The following RUNX1 variants were observed in gnomAD, a reference collection of about 807,000 sequenced individuals.
The protein encoded by RUNX1 is RUNX family transcription factor 1, also known as runt-related transcription factor 1.
Under a neutral mutation model 42.8 loss-of-function variants are expected in RUNX1, and 19 were observed. That is an observed-to-expected ratio of 0.44 (90% CI 0.31 to 0.65). The LOEUF (loss-of-function observed/expected upper bound fraction) is 0.65, where lower values mean the gene tolerates loss of function less well. Among genes scored for constraint, RUNX1 ranks in the 30% least tolerant of loss-of-function variants. The probability of loss-of-function intolerance (pLI) is 0.07; values close to 1 mark genes in which losing one functional copy is unlikely to be tolerated. For missense variants in RUNX1, 528 were observed against 672.0 expected (o/e 0.79, Z 2.37); for synonymous variants, 271 against 289.4 (o/e 0.94, Z 0.64).
intron 2 of RUNX1, among the ~76,000 whole-genome samples, chr21:34,902,434 A>G (rs1431184013): frequency 6.6e-6 from 1 of 152,214 alleles, no homozygotes; most frequent in African/African-American, 2.4e-5. Context: ...GCAAATTTCT[A>G]CATGGACAAC....
chr21:34,931,365 T>C (rs980100184), intron 2 of RUNX1, among the ~76,000 whole-genome samples: 8 of 146,694 alleles, frequency 5.5e-5, no homozygotes, highest in Admixed American at 4.1e-4. Context: ...TGTATATATA[T>C]GTGTATATAT....
At chr21:34,862,710 C>T (rs1295131571) in intron 5 of RUNX1, among the ~76,000 whole-genome samples, 1 of 152,200 alleles carries the variant, frequency 6.6e-6, no homozygotes, top group Non-Finnish European at 1.5e-5. Context: ...TTATGGCCCA[C>T]CCAAGTCCAG....
At chr21:34,894,216 G>A (rs1374340293) in intron 2 of RUNX1, among the ~76,000 whole-genome samples, 2 of 152,106 alleles carry the variant, frequency 1.3e-5, no homozygotes, top group Non-Finnish European at 2.9e-5. Flanking sequence ...CACACCCAGC[G>A]GAACCACGCA....
At chr21:34,806,595 C>T (rs2056683566) in intron 7 of RUNX1, among the ~76,000 whole-genome samples, 1 of 152,120 alleles carries the variant, frequency 6.6e-6, no homozygotes, top group African/African-American at 2.4e-5. Context: ...AAAATTAAGA[C>T]ACAGTTGACC....
chr21:34,830,553 G>C (rs974390598), intron 7 of RUNX1, among the ~76,000 whole-genome samples: 8 of 152,136 alleles, frequency 5.3e-5, no homozygotes, highest in African/African-American at 1.9e-4. Flanking sequence ...TCTCGACACT[G>C]GTCAGCCCTG....
chr21:35,015,905 C>T (rs2059155903), intron 2 of RUNX1, among the ~76,000 whole-genome samples: 1 of 152,194 alleles, frequency 6.6e-6, no homozygotes, highest in Non-Finnish European at 1.5e-5. Context: ...CTCCAGTGTA[C>T]AAGTTGTCCT....
chr21:34,859,647 A>G, intron 5 of RUNX1, 69 bp from the exon 6 acceptor site: 3 of 1,223,120 alleles, frequency 2.5e-6, no homozygotes, highest in Non-Finnish European at 3.6e-6. Context: ...TGAATAACCA[A>G]TCATTAATTT....
At chr21:34,909,508 G>A (rs2058253868) in intron 2 of RUNX1, among the ~76,000 whole-genome samples, 1 of 147,506 alleles carries the variant, frequency 6.8e-6, no homozygotes, top group African/African-American at 2.6e-5. Context: ...TCTGGGCACA[G>A]AGGCAATTTC....
At chr21:34,797,828 G>A (rs1387589029) in intron 8 of RUNX1, among the ~76,000 whole-genome samples, 1 of 152,140 alleles carries the variant, frequency 6.6e-6, no homozygotes, top group Non-Finnish European at 1.5e-5. Flanking sequence ...TTCTCACCTG[G>A]GGACAGTTTT....
At chr21:35,014,435 C>T (rs1462044881) in intron 2 of RUNX1, among the ~76,000 whole-genome samples, 1 of 152,162 alleles carries the variant, frequency 6.6e-6, no homozygotes, top group Non-Finnish European at 1.5e-5. Flanking sequence ...AGGATCGATA[C>T]TTAGTCATCT....
At chr21:34,985,564 A>G (rs2014300) in intron 2 of RUNX1, among the ~76,000 whole-genome samples, 115,484 of 152,068 alleles carry the variant, frequency 0.76, 45,483 homozygotes, top group East Asian at 0.89. Context: ...CTCTCAGGGC[A>G]ACCACACACC....
intron 2 of RUNX1, among the ~76,000 whole-genome samples, chr21:35,015,926 C>G (rs1382308124): frequency 6.6e-6 from 1 of 152,230 alleles, no homozygotes. Context: ...GCACCACACT[C>G]TGCAGCCCAG....
chr21:34,890,000 C>T (rs574885774), intron 3 of RUNX1, among the ~76,000 whole-genome samples: 77 of 152,138 alleles, frequency 5.1e-4, no homozygotes, highest in African/African-American at 1.8e-3. Context: ...GCGGGGGTCC[C>T]TCGCCGACCT....
intron 3 of RUNX1, chr21:34,887,717 C>T (rs761467839): frequency 1.6e-5 from 17 of 1,059,966 alleles, no homozygotes; most frequent in Admixed American, 1.6e-4. Flanking sequence ...TATACATATG[C>T]TCTACTTCAT....
chr21:34,992,887 C>T (rs573310340), intron 2 of RUNX1, among the ~76,000 whole-genome samples: 20 of 152,014 alleles, frequency 1.3e-4, no homozygotes, highest in African/African-American at 3.9e-4. Flanking sequence ...TCCAGTTTCT[C>T]CATGTCAGGG....
At chr21:34,935,791 T>C (rs1292041145) in intron 2 of RUNX1, among the ~76,000 whole-genome samples, 1 of 152,178 alleles carries the variant, frequency 6.6e-6, no homozygotes, top group Admixed American at 6.5e-5. Flanking sequence ...CAAATGTCCC[T>C]TCCTGGGTAA....
intron 2 of RUNX1, among the ~76,000 whole-genome samples, chr21:35,002,474 C>G (rs1197670187): frequency 1.3e-5 from 2 of 151,658 alleles, no homozygotes; most frequent in African/African-American, 4.9e-5. Flanking sequence ...GTCACCCAGG[C>G]TGGAGTGCAT....
intron 2 of RUNX1, among the ~76,000 whole-genome samples, chr21:34,916,044 G>A (rs1023961519): frequency 1.3e-5 from 2 of 152,152 alleles, no homozygotes; most frequent in African/African-American, 2.4e-5. Context: ...GTGTGGGGAA[G>A]GGGAGAGGGG....
At chr21:34,990,479 C>T (rs371434897) in intron 2 of RUNX1, among the ~76,000 whole-genome samples, 6 of 152,130 alleles carry the variant, frequency 3.9e-5, no homozygotes, top group African/African-American at 1.4e-4. Context: ...TGAGCCAGTG[C>T]AATAGGCCTA....
Sources: allele counts gnomAD v4.1 joint callset (sites outside exome capture counted in the v4.1 genomes callset), GRCh38; gene constraint gnomAD v4.1.1; transcripts MANE v1.5; gene names NCBI Gene and HGNC (gene_info 2026-07-23, HGNC 2026-07-21).